Variants in C8B observed in about 807,000 individuals in gnomAD.
C8B encodes complement component C8 beta chain.
C8B carries 67 observed loss-of-function variants against 64.6 expected under a neutral mutation model. The ratio of observed to expected loss-of-function variants is 1.04; its 90% CI spans 0.85 to 1.27. The LOEUF (loss-of-function observed/expected upper bound fraction) is 1.27, where lower values mean the gene tolerates loss of function less well. Among genes scored for constraint, C8B ranks in the 50% most tolerant of loss-of-function variants. C8B has a pLI of 0.00. For missense variants in C8B, 790 were observed against 725.2 expected (o/e 1.09, Z -1.03); for synonymous variants, 284 against 257.7 (o/e 1.10, Z -0.98).
In C8B at chr1:56,948,880, A is replaced by G. The variant is rs147050279; in HGVS notation, c.864+675T>C. Among the ~76,000 whole-genome samples, 260 of 152,332 alleles carry G rather than the reference A, an allele frequency of 1.7e-3. 2 individuals are homozygous for G. The highest frequency in any genetic ancestry group is 8.1e-3 in the East Asian group (42 of 5,176). Reference sequence around the variant, plus strand: ...TTCCTGTGGGCTAAAAAGTCTCCAGAGAAGTTCTGGTCTTCAAAGCTACAT... The same window carrying G: ...TTCCTGTGGGCTAAAAAGTCTCCAGGGAAGTTCTGGTCTTCAAAGCTACAT... On this transcript the variant is annotated intron_variant, in intron 6 of 11. Coordinates refer to ENST00000371237, the MANE Select transcript of C8B (RefSeq NM_000066.4).
chr1:56,952,977 T>C (rs1645047914), intron 4 of C8B, among the ~76,000 whole-genome samples: 1 of 152,214 alleles, frequency 6.6e-6, no homozygotes, highest in South Asian at 2.1e-4. Flanking sequence ...ACAACCCTCA[T>C]CACAACGCAT....
rs182863781 is a variant in C8B, at chr1:56,936,306, A to T, written c.1399-2818T>A. Among the ~76,000 whole-genome samples, 609 of 152,322 alleles carry T rather than the reference A, an allele frequency of 4.0e-3. 6 individuals are homozygous for T. The highest frequency in any genetic ancestry group is 6.2e-3 in the Non-Finnish European group (425 of 68,018). On this transcript the variant is annotated intron_variant, in intron 9 of 11. Coordinates refer to ENST00000371237, the MANE Select transcript of C8B (RefSeq NM_000066.4). Reference sequence around the variant, plus strand: ...AAAAATATCCATCTCATCACAGTCAATGTCATTGAGTATTGTAGACTTTCA... The same window carrying T: ...AAAAATATCCATCTCATCACAGTCATTGTCATTGAGTATTGTAGACTTTCA...
At chr1:56,949,978 A>G (rs992003710) in intron 5 of C8B, among the ~76,000 whole-genome samples, 1 of 152,058 alleles carries the variant, frequency 6.6e-6, no homozygotes, top group African/African-American at 2.4e-5. Flanking sequence ...TTGGTTTTTG[A>G]TTTGTATTTC....
In C8B at chr1:56,952,258, G is replaced by A. The variant is rs1222712224; in HGVS notation, c.534-78C>T. The A allele has an allele frequency of 1.6e-5, 25 of 1,593,566 alleles. No individual in the cohort carries two copies. The African/African-American group carries it at 1.9e-4, about 12-fold the overall frequency. On this transcript the variant is annotated intron_variant, in intron 4 of 11. Transcript: ENST00000371237. ...TCTTGACTGTCAGACCCTACTGAAC[G>A]AAAACAAAAACTCCTTGGCACAGCC... is the stretch of plus-strand genomic sequence containing the variant.
chr1:56,935,027 C>T (rs969426644), intron 9 of C8B, among the ~76,000 whole-genome samples: 7 of 152,148 alleles, frequency 4.6e-5, no homozygotes, highest in East Asian at 1.9e-4. Context: ...CAAATATGAT[C>T]CTACTTCATC....
intron 11 of C8B, 72 bp downstream of exon 11, chr1:56,931,733 TCCACA>T: frequency 5.1e-6 from 5 of 988,690 alleles, no homozygotes; most frequent in Non-Finnish European, 7.9e-6. Context: ...AGCCCCACAC[TCCACA>T]CCAGCTCCTT....
At position 56,930,297 on chromosome 1, in the gene C8B, T is replaced by C. The variant is rs1365578796; in HGVS notation, c.1622-739A>G. 2.0e-5 allele frequency among the ~76,000 whole-genome samples: 3 copies of C among 152,216 alleles called. No individual in the cohort carries two copies. The East Asian group carries it at 5.8e-4, about 29-fold the overall frequency. On this transcript the variant is annotated intron_variant, in intron 11 of 11. Coordinates refer to ENST00000371237, the MANE Select transcript of C8B (RefSeq NM_000066.4). Reference sequence around the variant, plus strand: ...ACACTTGGCTTTCACTTGAGGATTTTTGATTGTTGGTGAGATTGGCAAGTC... The same window carrying C: ...ACACTTGGCTTTCACTTGAGGATTTCTGATTGTTGGTGAGATTGGCAAGTC...
chr1:56,940,015 CGTGT>C (rs5774317), intron 9 of C8B, among the ~76,000 whole-genome samples: 17 of 150,714 alleles, frequency 1.1e-4, no homozygotes, highest in Non-Finnish European at 1.8e-4. Flanking sequence ...AAGATAGTTA[CGTGT>C]GTGTGTGTGT....
At chr1:56,940,791 G>T (rs932676516) in intron 9 of C8B, 58 bp downstream of exon 9, 4 of 1,600,562 alleles carry the variant, frequency 2.5e-6, no homozygotes, top group Non-Finnish European at 3.4e-6. Context: ...GCTCATGGTA[G>T]GTCCTCAGAA....
chr1:56,956,747 T>C, intron 3 of C8B, 22 bp downstream of exon 3: 1 of 1,613,422 alleles, frequency 6.2e-7, no homozygotes, highest in Non-Finnish European at 8.5e-7. Flanking sequence ...CTTTCCCCTC[T>C]TACTCCTACA....
At chr1:56,952,550 C>A (rs566192993) in intron 4 of C8B, among the ~76,000 whole-genome samples, 1 of 152,170 alleles carries the variant, frequency 6.6e-6, no homozygotes, top group Non-Finnish European at 1.5e-5. Context: ...TGCTTGAAGC[C>A]CGCAGCCCAG....
chr1:56,956,494 T>C (rs1317710118), intron 3 of C8B, among the ~76,000 whole-genome samples: 1 of 152,258 alleles, frequency 6.6e-6, no homozygotes, highest in African/African-American at 2.4e-5. Context: ...AAATTTCCAA[T>C]AGAAACTTTT....
At position 56,943,897 on chromosome 1, in the gene C8B, C is replaced by T. The variant is rs1644903076; in HGVS notation, c.1106-73G>A. ...CTGTCCCTTTTCCTATGATCGAGTC[C>T]AGAGGCCTAGCCCTGTTGAATGTCA... is the stretch of plus-strand genomic sequence containing the variant. On this transcript the variant is annotated intron_variant, in intron 7 of 11. Transcript: ENST00000371237. 5 of 1,562,274 alleles carry T rather than the reference C, an allele frequency of 3.2e-6. No homozygotes were observed. The South Asian group carries it at 4.5e-5, about 14-fold the overall frequency.
chr1:56,960,144 G>T lies in C8B; in HGVS notation c.125C>A (p.Ala42Glu). 1 of 1,614,146 alleles carries T rather than the reference G, an allele frequency of 6.2e-7. No individual in the cohort carries two copies. Among genetic ancestry groups the T allele is most frequent in the Non-Finnish European group, 8.5e-7 (1 of 1,180,018 alleles). Residue 42 changes from alanine to glutamate, a missense_variant, in exon 2 of 12, where the codon GCA becomes GAA. By Grantham distance (107) the Ala-to-Glu change is moderately radical. Coordinates refer to ENST00000371237, the MANE Select transcript of C8B (RefSeq NM_000066.4). ...GCTCTTAGCAAAGCTCTTGTTGACT[G>T]CATTTGACCCAAAGGAATGTGGCCT... The part of the protein sequence containing the change: ...GERPHSFGSN[A>E]VNKSFAKSRQ...
chr1:56,952,228 C>T (rs1289545906), intron 4 of C8B, 48 bp from the exon 5 acceptor site: 2 of 1,611,482 alleles, frequency 1.2e-6, no homozygotes, highest in African/African-American at 2.7e-5. Flanking sequence ...TTTGCGGTTG[C>T]TTAATCTTGA....
At chr1:56,953,856 C>T (rs1335635611) in intron 4 of C8B, among the ~76,000 whole-genome samples, 3 of 152,150 alleles carry the variant, frequency 2.0e-5, no homozygotes, top group Admixed American at 2.0e-4. Flanking sequence ...CTCAACTTTC[C>T]CGGGCCTCAG....
rs569292870 is a variant in C8B at position 56,951,813 on chromosome 1, G to T, written c.666+235C>A. Reference sequence around the variant, plus strand: ...TCCTAAGCTTTATTTCTATCTTCAAGGTAGCTTTTGATATTATGGTTTCTA... The same window carrying T: ...TCCTAAGCTTTATTTCTATCTTCAATGTAGCTTTTGATATTATGGTTTCTA... On this transcript the variant is annotated intron_variant, in intron 5 of 11. Coordinates refer to ENST00000371237, the MANE Select transcript of C8B (RefSeq NM_000066.4). Among the ~76,000 whole-genome samples the T allele has an allele frequency of 3.9e-5, 6 of 152,340 alleles. No homozygotes were observed. In the South Asian group the frequency reaches 1.2e-3, roughly 32 times the overall value.
intron 8 of C8B, among the ~76,000 whole-genome samples, chr1:56,942,572 G>T (rs1644879483): frequency 6.6e-6 from 1 of 152,222 alleles, no homozygotes; most frequent in African/African-American, 2.4e-5. Flanking sequence ...AGGCGTGGTG[G>T]CACATGCCTG....
rs531226259 is a variant in C8B at position 56,938,634 on chromosome 1, C to T, written c.1398+2215G>A. Among the ~76,000 whole-genome samples, 5 of 152,302 alleles carry T rather than the reference C, an allele frequency of 3.3e-5. No homozygotes were observed. In the East Asian group the frequency reaches 5.8e-4, roughly 18 times the overall value. ...AGCTACCTATGTCTAAAGTTTACCG[C>T]TAAACATTAAGAATGGGTTCCTCTG... On this transcript the variant is annotated intron_variant, in intron 9 of 11. Transcript: ENST00000371237.
Sources: gnomAD v4.1 joint callset for allele counts (sites outside exome capture counted in the v4.1 genomes callset) on GRCh38, gnomAD v4.1.1 for gene constraint, MANE v1.5 for transcripts, NCBI Gene and HGNC (gene_info 2026-07-23, HGNC 2026-07-21) for gene names.